NRXN3: variants seen among roughly 807,000 people sequenced by gnomAD.
NRXN3 encodes the protein neurexin III.
A neutral mutation model predicts 137.6 loss-of-function variants in NRXN3; 32 were observed. The ratio of observed to expected loss-of-function variants is 0.23; its 90% confidence interval spans 0.18 to 0.31. The LOEUF (loss-of-function observed/expected upper bound fraction) is 0.31. Ranked by LOEUF, NRXN3 falls within the 10% of genes least tolerant of loss-of-function variation. The pLI, the probability that NRXN3 is intolerant of heterozygous loss-of-function variation, is 1.00. For missense variants in NRXN3, 1,574 were observed against 2,062.5 expected (o/e 0.76, Z 4.59); for synonymous variants, 798 against 784.5 (o/e 1.02, Z -0.29).
At chr14:79,195,939 A>G (rs2065069641) in intron 15 of NRXN3, among the ~76,000 whole-genome samples, 2 of 152,176 alleles carry the variant, frequency 1.3e-5, no homozygotes, top group South Asian at 4.1e-4. Flanking sequence ...GTACTAATGT[A>G]TTTTTACAGA....
intron 6 of NRXN3, among the ~76,000 whole-genome samples, chr14:78,656,630 A>T (rs1566988288): frequency 2.6e-5 from 4 of 152,152 alleles, no homozygotes. Context: ...GCAGCAGAAC[A>T]TGGTCAGATT....
intron 19 of NRXN3, among the ~76,000 whole-genome samples, chr14:79,717,149 C>A (rs775387231): frequency 6.6e-6 from 1 of 152,166 alleles, no homozygotes; most frequent in Non-Finnish European, 1.5e-5. Flanking sequence ...GTCTTTTCTT[C>A]GTGATGCGAC....
At chr14:78,926,399 CTG>C (rs2099291042) in intron 10 of NRXN3, among the ~76,000 whole-genome samples, 1 of 150,734 alleles carries the variant, frequency 6.6e-6, no homozygotes, top group Admixed American at 6.7e-5. Context: ...TGGACTGAAA[CTG>C]TGGAAAGCAA....
intron 15 of NRXN3, among the ~76,000 whole-genome samples, chr14:79,345,368 A>G (rs1234935635): frequency 6.6e-6 from 1 of 152,184 alleles, no homozygotes; most frequent in African/African-American, 2.4e-5. Flanking sequence ...GGAAATTGAT[A>G]TTACACCGAT....
intron 15 of NRXN3, among the ~76,000 whole-genome samples, chr14:79,458,611 G>A (rs2096286738): frequency 6.6e-6 from 1 of 152,162 alleles, no homozygotes; most frequent in African/African-American, 2.4e-5. Context: ...TCGTAGTAGA[G>A]AAGCATTCTG....
intron 15 of NRXN3, among the ~76,000 whole-genome samples, chr14:79,414,102 A>G (rs540546120): frequency 1.3e-5 from 2 of 152,100 alleles, no homozygotes; most frequent in East Asian, 3.9e-4. Context: ...TAGACTCACC[A>G]TTCTGCGGGG....
intron 4 of NRXN3, among the ~76,000 whole-genome samples, chr14:78,547,294 G>A (rs566829361): frequency 1.4e-4 from 21 of 151,226 alleles, no homozygotes; most frequent in African/African-American, 4.9e-4. Context: ...CAAGCTCCCC[G>A]TCCTGGGTTC....
rs148252902 is a variant in NRXN3, at chr14:78,188,802, C to T, written c.-704+18128C>T. Among the ~76,000 whole-genome samples, 119 of 152,250 alleles carry T rather than the reference C, an allele frequency of 7.8e-4. 1 individual carries two copies. Among genetic ancestry groups the T allele is most frequent in the African/African-American group, 2.7e-3 (111 of 41,542 alleles). ...AAATAGGAATGGCGTCATACCTACCCTACGGATTCCTACGGGTTGGTTGGG... is the reference window on the plus strand; with the variant it reads ...AAATAGGAATGGCGTCATACCTACCTTACGGATTCCTACGGGTTGGTTGGG... On this transcript the variant is annotated intron_variant, in intron 1 of 20. Coordinates refer to ENST00000335750, the MANE Select transcript of NRXN3 (RefSeq NM_001330195.2).
At chr14:78,192,428 C>A (rs2060835068) in intron 1 of NRXN3, among the ~76,000 whole-genome samples, 1 of 152,116 alleles carries the variant, frequency 6.6e-6, no homozygotes, top group Non-Finnish European at 1.5e-5. Flanking sequence ...GCAAAAATAG[C>A]CTCTCTCCGT....
At chr14:78,940,605 A>G (rs2099351212) in intron 10 of NRXN3, among the ~76,000 whole-genome samples, 1 of 152,224 alleles carries the variant, frequency 6.6e-6, no homozygotes, top group Admixed American at 6.5e-5. Flanking sequence ...TTAATGAGTA[A>G]TAACAAATAA....
intron 15 of NRXN3, among the ~76,000 whole-genome samples, chr14:79,097,626 G>T (rs1460784522): frequency 6.6e-6 from 1 of 152,126 alleles, no homozygotes; most frequent in African/African-American, 2.4e-5. Flanking sequence ...TTGTGTCACT[G>T]GTTCATTCTG....
At chr14:78,796,181 A>G (rs1292906385) in intron 8 of NRXN3, among the ~76,000 whole-genome samples, 1 of 152,196 alleles carries the variant, frequency 6.6e-6, no homozygotes, top group Non-Finnish European at 1.5e-5. Context: ...GTGGCAGACC[A>G]ATAATAATGC....
intron 20 of NRXN3, among the ~76,000 whole-genome samples, chr14:79,859,433 T>C (rs61990775): frequency 3.4e-4 from 52 of 152,192 alleles, no homozygotes; most frequent in Non-Finnish European, 5.3e-4. Context: ...TTTGGATGCA[T>C]GGGAAAGGTT....
intron 16 of NRXN3, among the ~76,000 whole-genome samples, chr14:79,659,053 A>G (rs756073880): frequency 4.6e-5 from 7 of 152,134 alleles, no homozygotes; most frequent in Non-Finnish European, 8.8e-5. Context: ...GTCAGCACCA[A>G]TAACTGCAGT....
At chr14:78,409,297 T>A (rs1192672489) in intron 4 of NRXN3, among the ~76,000 whole-genome samples, 1 of 123,040 alleles carries the variant, frequency 8.1e-6, no homozygotes, top group African/African-American at 2.8e-5. Context: ...ACAACAAGCC[T>A]ATAAGACTCT....
chr14:78,505,061 A>G (rs2095960029), intron 4 of NRXN3, among the ~76,000 whole-genome samples: 1 of 152,164 alleles, frequency 6.6e-6, no homozygotes, highest in South Asian at 2.1e-4. Flanking sequence ...ACAGGACCAT[A>G]TGCTGACACA....
At chr14:78,553,550 T>C (rs1164436199) in intron 4 of NRXN3, among the ~76,000 whole-genome samples, 4 of 152,206 alleles carry the variant, frequency 2.6e-5, no homozygotes, top group African/African-American at 9.6e-5. Context: ...AGAAAAGGCT[T>C]CTATCAGCAA....
chr14:79,011,662 A>G (rs2099571535), intron 15 of NRXN3, among the ~76,000 whole-genome samples: 1 of 152,074 alleles, frequency 6.6e-6, no homozygotes, highest in Non-Finnish European at 1.5e-5. Flanking sequence ...ATGTCTCCAC[A>G]GGCTACACTT....
At chr14:78,570,643 G>A (rs2096880605) in intron 4 of NRXN3, among the ~76,000 whole-genome samples, 1 of 152,220 alleles carries the variant, frequency 6.6e-6, no homozygotes, top group Admixed American at 6.5e-5. Flanking sequence ...GGCAAAAGGA[G>A]ACAGTCTTCT....
Sources: gnomAD v4.1 joint callset for allele counts (sites outside exome capture counted in the v4.1 genomes callset) on GRCh38, gnomAD v4.1.1 for gene constraint, MANE v1.5 for transcripts, NCBI Gene and HGNC (gene_info 2026-07-23, HGNC 2026-07-21) for gene names.